Variants in SH3BP5 observed in about 807,000 individuals in gnomAD.
The protein encoded by SH3BP5 is SH3 domain binding protein 5.
SH3BP5 carries 22 observed loss-of-function variants against 43.3 expected under a neutral mutation model. The observed-to-expected ratio is 0.51, with a 90% CI of 0.36 to 0.73. The LOEUF is 0.73. SH3BP5 is among the 30% of genes least tolerant of loss of function. SH3BP5 has a pLI of 0.00. For missense variants in SH3BP5, 529 were observed against 586.9 expected (o/e 0.90, Z 1.02); for synonymous variants, 255 against 225.8 (o/e 1.13, Z -1.16).
chr3:15,259,559 G>A (rs1243103472), intron 6 of SH3BP5: 1 of 666,706 alleles, frequency 1.5e-6, no homozygotes, highest in Non-Finnish European at 2.7e-6. Flanking sequence ...CAACAGAGAA[G>A]GTGACTGAAT....
intron 3 of SH3BP5, among the ~76,000 whole-genome samples, chr3:15,272,831 T>TA (rs1696855242): frequency 6.6e-6 from 1 of 152,220 alleles, no homozygotes; most frequent in Non-Finnish European, 1.5e-5. Flanking sequence ...GCCCCTGCTG[T>TA]GGACTCACCA....
intron 3 of SH3BP5, among the ~76,000 whole-genome samples, chr3:15,296,365 C>CACAT (rs1411394366): frequency 6.6e-6 from 1 of 150,936 alleles, no homozygotes; most frequent in Non-Finnish European, 1.5e-5. Context: ...CACACACACA[C>CACAT]ACACCCCTAT....
rs1696180120 is a variant in SH3BP5, at chr3:15,255,992, T to A, written c.*94A>T. The A allele has an allele frequency of 5.8e-6, 6 of 1,033,434 alleles. 1 individual carries two copies. Among genetic ancestry groups the A allele is most frequent in the Non-Finnish European group, 8.8e-6 (6 of 684,122 alleles). 64.0% of individuals were successfully genotyped at this position (1,033,434 alleles called of 1,614,324 possible). On this transcript the variant is annotated 3_prime_UTR_variant, in exon 9 of 9. Transcript: ENST00000383791. ...ATTAGAGCAGTTTAGAGTAGACGTG[T>A]AAGATTTGGCATATATTAAATGATT...
Position 15,279,873 on chromosome 3 carries a change from C to T in SH3BP5, c.331-9996G>A, listed in dbSNP as rs540915478. Reference sequence around the variant, plus strand: ...CAGCCTGCAGTTCACCTCTGGACACCGCATGTTCAGACACAGCACCCAGAG... The same window carrying T: ...CAGCCTGCAGTTCACCTCTGGACACTGCATGTTCAGACACAGCACCCAGAG... On this transcript the variant is annotated intron_variant, in intron 3 of 8. Transcript: ENST00000383791. Among the ~76,000 whole-genome samples, 5 of 152,218 alleles carry T rather than the reference C, an allele frequency of 3.3e-5. No individual in the cohort carries two copies. The South Asian group carries it at 6.2e-4, about 19-fold the overall frequency.
intron 3 of SH3BP5, among the ~76,000 whole-genome samples, chr3:15,280,355 T>A (rs1437613156): frequency 6.6e-6 from 1 of 152,036 alleles, no homozygotes; most frequent in East Asian, 1.9e-4. Context: ...GGGCCTGAGC[T>A]GGGGGTAGAC....
At chr3:15,294,633 T>C (rs1358602010) in intron 3 of SH3BP5, among the ~76,000 whole-genome samples, 1 of 152,112 alleles carries the variant, frequency 6.6e-6, no homozygotes, top group Non-Finnish European at 1.5e-5. Flanking sequence ...TCATTCGTAC[T>C]ATAAGGCCAA....
intron 3 of SH3BP5, among the ~76,000 whole-genome samples, chr3:15,301,182 T>G (rs1399068840): frequency 6.6e-6 from 1 of 152,126 alleles, no homozygotes; most frequent in African/African-American, 2.4e-5. Flanking sequence ...AAACGGGATT[T>G]GAATGAACTC....
At chr3:15,273,070 A>C in intron 3 of SH3BP5, 1 of 930,252 alleles carries the variant, frequency 1.1e-6, no homozygotes, top group Non-Finnish European at 1.3e-6. Flanking sequence ...GGAACCTGTC[A>C]CCTTAAAAGC....
At chr3:15,265,634 C>T (rs1415306810) in intron 4 of SH3BP5, among the ~76,000 whole-genome samples, 3 of 151,784 alleles carry the variant, frequency 2.0e-5, no homozygotes, top group Non-Finnish European at 2.9e-5. Context: ...CTAAGCATGT[C>T]GCCTTGGTTA....
chr3:15,329,566 C>T (rs1474147741), intron 2 of SH3BP5, among the ~76,000 whole-genome samples: 1 of 152,184 alleles, frequency 6.6e-6, no homozygotes, highest in Non-Finnish European at 1.5e-5. Flanking sequence ...GGCCTACGCA[C>T]GCAGCAGAAA....
chr3:15,307,631 TAA>T (rs1304910270), intron 2 of SH3BP5, among the ~76,000 whole-genome samples: 3 of 152,344 alleles, frequency 2.0e-5, no homozygotes, highest in Middle Eastern at 6.8e-3. Context: ...CCTCCTGGTA[TAA>T]AAAGAGACCC....
Position 15,256,295 on chromosome 3 carries a change from C to T in SH3BP5, c.1159G>A (p.Ala387Thr). Residue 387 changes from alanine to threonine, a missense_variant, in exon 9 of 9, where the codon GCA (alanine) becomes ACA (threonine). Coordinates refer to ENST00000383791, the MANE Select transcript of SH3BP5 (RefSeq NM_004844.5). ...CTTGTTTTATTCTCTGCCCCTTCTG[C>T]CCTGTCTCCTATAGAAATACAAGGA... The part of the protein sequence containing the change: ...PECEVERGDR[A>T]EGAENKTSDK... 1.2e-6 allele frequency: 2 copies of T among 1,612,368 alleles called. No individual in the cohort carries two copies. The highest frequency in any genetic ancestry group is 1.7e-6 in the Non-Finnish European group (2 of 1,179,822).
chr3:15,337,771 G>A (rs746911661), intron 1 of SH3BP5, among the ~76,000 whole-genome samples: 12 of 151,688 alleles, frequency 7.9e-5, no homozygotes, highest in Non-Finnish European at 1.2e-4. Flanking sequence ...TTTAATTAGC[G>A]GAGTGTGGTG....
chr3:15,332,692 G>A, upstream of SH3BP5: 1 of 1,119,044 alleles, frequency 8.9e-7, no homozygotes, highest in Non-Finnish European at 1.1e-6. Flanking sequence ...CAGCTATCCA[G>A]GTCTCCGTCG....
intron 2 of SH3BP5, among the ~76,000 whole-genome samples, chr3:15,309,903 T>TCCC (rs1466434971): frequency 1.1e-4 from 12 of 112,726 alleles, no homozygotes; most frequent in African/African-American, 1.5e-4. Flanking sequence ...TCTTCCCCGC[T>TCCC]CCACCCCCCC....
chr3:15,258,942 G>A lies in SH3BP5; in HGVS notation c.778C>T (p.Arg260Trp), dbSNP rs759847333. 4.3e-6 allele frequency: 7 copies of A among 1,614,020 alleles called. No homozygotes were observed. Among genetic ancestry groups the A allele is most frequent in the Admixed American group, 1.7e-5 (1 of 60,004 alleles). ...LEMISDEIHE[R>W]RRSSAMGPRG... ...GGCCCCATGGCACTGGAGCGCCGCC[G>A]CTCGTGGATCTCATCTGAGATCATC... The change falls in exon 7 of 9, where the codon CGG (arginine) becomes TGG (tryptophan). Residue 260 changes from arginine (R) to tryptophan (W), a missense_variant. By Grantham distance (101) the Arg-to-Trp change is moderately radical (BLOSUM62 -3). Coordinates refer to ENST00000383791, the MANE Select transcript of SH3BP5 (RefSeq NM_004844.5).
intron 1 of SH3BP5, 84 bp downstream of exon 1, chr3:15,332,187 C>T: frequency 2.6e-6 from 4 of 1,534,632 alleles, no homozygotes; most frequent in Non-Finnish European, 3.5e-6. Context: ...TTACTGGGGG[C>T]TGCGAAGTGG....
chr3:15,256,662 G>C (rs1398839795), intron 8 of SH3BP5, 191 bp downstream of exon 8: 1 of 650,330 alleles, frequency 1.5e-6, no homozygotes, highest in Non-Finnish European at 2.6e-6. Context: ...TATAGAAGCT[G>C]AGTGGAGCCA....
chr3:15,284,780 C>A (rs971867821), intron 3 of SH3BP5, among the ~76,000 whole-genome samples: 1 of 152,224 alleles, frequency 6.6e-6, no homozygotes, highest in Admixed American at 6.5e-5. Context: ...CACTCTGCAA[C>A]TCAGAAGCCC....
Sources: allele counts gnomAD v4.1 joint callset (sites outside exome capture counted in the v4.1 genomes callset), GRCh38; gene constraint gnomAD v4.1.1; transcripts MANE v1.5; gene names NCBI Gene and HGNC (gene_info 2026-07-23, HGNC 2026-07-21).